UBR2: variants seen among roughly 807,000 people sequenced by gnomAD.
UBR2 encodes the protein E3 ubiquitin-protein ligase UBR2.
Under a neutral mutation model 247.9 loss-of-function variants are expected in UBR2, and 92 were observed. The ratio of observed to expected loss-of-function variants is 0.37; its 90% CI spans 0.31 to 0.44. UBR2 has a LOEUF of 0.44. Among genes scored for constraint, UBR2 ranks in the 20% least tolerant of loss-of-function variants. The probability of loss-of-function intolerance (pLI) is 1.00; values close to 1 mark genes in which losing one functional copy is unlikely to be tolerated. For missense variants in UBR2, 1,613 were observed against 2,112.6 expected (o/e 0.76, Z 4.64); for synonymous variants, 672 against 693.5 (o/e 0.97, Z 0.49).
intron 9 of UBR2, among the ~76,000 whole-genome samples, chr6:42,615,473 G>T (rs1794484613): frequency 6.6e-6 from 1 of 152,090 alleles, no homozygotes; most frequent in Non-Finnish European, 1.5e-5. Context: ...GAAGGGACAG[G>T]ATCTCACTCT....
chr6:42,646,804 T>A (rs755591061), intron 21 of UBR2, among the ~76,000 whole-genome samples: 10 of 148,442 alleles, frequency 6.7e-5, no homozygotes, highest in Non-Finnish European at 1.3e-4. Context: ...TATATATATA[T>A]GTTTATATAT....
chr6:42,677,985 AG>A (rs1178684545), intron 40 of UBR2, among the ~76,000 whole-genome samples: 1 of 152,120 alleles, frequency 6.6e-6, no homozygotes, highest in African/African-American at 2.4e-5. Flanking sequence ...GCTGGAGCCC[AG>A]TAGTTTGAGT....
In UBR2 at chr6:42,691,397, C is replaced by T. The variant is rs1374518537; in HGVS notation, c.*224C>T. The T allele has an allele frequency of 3.0e-5, 17 of 566,950 alleles. No individual in the cohort carries two copies. The highest frequency in any genetic ancestry group is 2.4e-4 in the East Asian group (7 of 29,282). The allele number at this position is 566,950 out of a possible 1,614,324, so 35.1% of individuals were successfully genotyped here. A position where few individuals can be genotyped will look rare whatever the true frequency, so the allele number is the denominator to read the frequency against. On this transcript the variant is annotated 3_prime_UTR_variant, in exon 47 of 47. Transcript: ENST00000372901. ...AATATAATGTCTTGGGTTTTAAGAT[C>T]GAGCAAGGAGCTTCTCTTCCTAGAT...
At position 42,637,115 on chromosome 6, in the gene UBR2, A is replaced by G. The variant is rs747929992; in HGVS notation, c.1779A>G (p.Gly593=). 2 of 1,614,190 alleles carry G rather than the reference A, an allele frequency of 1.2e-6. No homozygotes were observed. Among genetic ancestry groups the G allele is most frequent in the South Asian group, 2.2e-5 (2 of 91,082 alleles). The change falls in exon 15 of 47, where the codon GGA becomes GGG. Residue 593 remains glycine, a synonymous_variant. Coordinates refer to ENST00000372901, the MANE Select transcript of UBR2 (RefSeq NM_001363705.2). Reference sequence around the variant, plus strand: ...AGCCAATCACACTAAGCATTTGTGGACATTCAGTGGAAACTATCAGATACT... The same window carrying G: ...AGCCAATCACACTAAGCATTTGTGGGCATTCAGTGGAAACTATCAGATACT... ...GEQPITLSIC[G]HSVETIRYCV... is the part of the protein sequence containing the mutation.
Position 42,658,547 on chromosome 6 carries a change from T to C in UBR2, c.3064-99T>C, listed in dbSNP as rs371436189. On this transcript the variant is annotated intron_variant, in intron 28 of 46. Coordinates refer to ENST00000372901, the MANE Select transcript of UBR2 (RefSeq NM_001363705.2). ...TATTTAAATAAGTGAGATTATAGAA[T>C]AGTTTTTTAATTGGTATTTACAGTG... 6.9e-5 allele frequency: 84 copies of C among 1,224,876 alleles called. 1 individual carries two copies. The South Asian group carries it at 1.4e-3, about 20-fold the overall frequency. 75.9% of individuals were successfully genotyped at this position (1,224,876 alleles called of 1,614,324 possible).
chr6:42,654,027 TATA>T lies in UBR2; in HGVS notation c.2769+1383_2769+1385del, dbSNP rs1385625572. On this transcript the variant is annotated intron_variant, in intron 25 of 46. Coordinates refer to ENST00000372901, the MANE Select transcript of UBR2 (RefSeq NM_001363705.2). The stretch of plus-strand genomic sequence containing the variant: ...TGGGCTCAGAGGCGTTCCCTTAGGG[TATA>T]TATTAATAGCTTGAAAGCAGTAAAA... Among the ~76,000 whole-genome samples the T allele has an allele frequency of 9.2e-5, 14 of 152,202 alleles. No homozygotes were observed. The Middle Eastern group carries it at 0.017, about 185-fold the overall frequency.
At chr6:42,640,383 G>GGTGT (rs61668810) in intron 16 of UBR2, 113 bp downstream of exon 16, 7,240 of 168,530 alleles carry the variant, frequency 0.043, 101 homozygotes, top group Admixed American at 0.073. Context: ...GAACCAGTAA[G>GGTGT]GTGTGTGTGT....
chr6:42,604,621 A>G (rs546341074), intron 5 of UBR2, among the ~76,000 whole-genome samples: 4 of 152,176 alleles, frequency 2.6e-5, no homozygotes, highest in African/African-American at 4.8e-5. Context: ...ACTGCCGTGT[A>G]CACTCTTGCC....
At chr6:42,613,982 C>G (rs1794252806) in intron 8 of UBR2, among the ~76,000 whole-genome samples, 1 of 151,014 alleles carries the variant, frequency 6.6e-6, no homozygotes, top group Non-Finnish European at 1.5e-5. Context: ...CAAGACCAGC[C>G]TGGCCAACAT....
At chr6:42,583,553 G>C (rs1792049958) in intron 2 of UBR2, among the ~76,000 whole-genome samples, 1 of 134,722 alleles carries the variant, frequency 7.4e-6, no homozygotes. Context: ...TCTGAGACTT[G>C]CTCTGTTTCC....
At chr6:42,636,375 C>T (rs532931499) in intron 14 of UBR2, among the ~76,000 whole-genome samples, 11 of 152,028 alleles carry the variant, frequency 7.2e-5, no homozygotes, top group South Asian at 2.1e-4. Context: ...GACAGGGCTT[C>T]GCCGTGTTAC....
At chr6:42,578,882 G>A (rs908024755) in intron 2 of UBR2, among the ~76,000 whole-genome samples, 1 of 152,080 alleles carries the variant, frequency 6.6e-6, no homozygotes, top group Non-Finnish European at 1.5e-5. Flanking sequence ...GGAATTGCTT[G>A]AACCCAGGAG....
chr6:42,656,021 T>C (rs1475669119), intron 26 of UBR2, among the ~76,000 whole-genome samples: 1 of 152,174 alleles, frequency 6.6e-6, no homozygotes, highest in African/African-American at 2.4e-5. Flanking sequence ...TATAAAGAAA[T>C]GTGACTTTTT....
chr6:42,578,645 T>C (rs960016076), intron 2 of UBR2, among the ~76,000 whole-genome samples: 2 of 152,038 alleles, frequency 1.3e-5, no homozygotes, highest in Non-Finnish European at 2.9e-5. Flanking sequence ...TACTGAGCCA[T>C]GAGTAGCATC....
At chr6:42,646,519 T>C (rs1166270296) in intron 21 of UBR2, among the ~76,000 whole-genome samples, 2 of 152,244 alleles carry the variant, frequency 1.3e-5, no homozygotes, top group Middle Eastern at 3.4e-3. Flanking sequence ...AATAGGACTA[T>C]ATGTATCTAA....
chr6:42,642,565 C>T (rs1796511472), intron 18 of UBR2, 84 bp downstream of exon 18: 2 of 1,181,660 alleles, frequency 1.7e-6, no homozygotes, highest in African/African-American at 3.1e-5. Context: ...CACTTGTGAT[C>T]ACTCCCAAAT....
At chr6:42,642,227 C>A (rs1012439260) in intron 17 of UBR2, among the ~76,000 whole-genome samples, 189 bp from the exon 18 acceptor site, 3 of 152,078 alleles carry the variant, frequency 2.0e-5, no homozygotes, top group Admixed American at 2.0e-4. Flanking sequence ...AAAATGTGAA[C>A]CATATCATGA....
chr6:42,586,028 A>G (rs1236637302), intron 2 of UBR2, among the ~76,000 whole-genome samples: 1 of 152,140 alleles, frequency 6.6e-6, no homozygotes, highest in African/African-American at 2.4e-5. Context: ...ATTTCTAACA[A>G]AATTACACAT....
Position 42,659,556 on chromosome 6 carries a change from C to T in UBR2, c.3243-100C>T. ...ACACACACACACACACACACACACACACACACTACACACACACACACATAC... is the reference window on the plus strand; with the variant it reads ...ACACACACACACACACACACACACATACACACTACACACACACACACATAC... On this transcript the variant is annotated intron_variant, in intron 29 of 46. Transcript: ENST00000372901. The surrounding 1 kb of genome is among the most constrained non-coding windows in gnomAD (Gnocchi z 4.3). 1.3e-6 allele frequency: 1 copy of T among 793,958 alleles called. No individual in the cohort carries two copies. The highest frequency in any genetic ancestry group is 2.0e-6 in the Non-Finnish European group (1 of 499,600). 49.2% of individuals were successfully genotyped at this position (793,958 alleles called of 1,614,324 possible).
Sources: gnomAD v4.1 joint callset for allele counts (sites outside exome capture counted in the v4.1 genomes callset) on GRCh38, gnomAD v4.1.1 for gene constraint, Gnocchi (gnomAD v3.1) non-coding constraint, MANE v1.5 for transcripts, NCBI Gene and HGNC (gene_info 2026-07-23, HGNC 2026-07-21) for gene names.